Variants in PTPRA observed in about 807,000 individuals in gnomAD.
PTPRA encodes protein tyrosine phosphatase receptor type A.
PTPRA carries 25 observed loss-of-function variants against 104.8 expected under a neutral mutation model. That is an observed-to-expected ratio of 0.24 (90% CI 0.17 to 0.33). The LOEUF is 0.33. Ranked by LOEUF, PTPRA falls within the 10% of genes least tolerant of loss-of-function variation. The pLI is 1.00. For missense variants in PTPRA, 765 were observed against 1,015.3 expected (o/e 0.75, Z 3.35); for synonymous variants, 323 against 368.9 (o/e 0.88, Z 1.43).
chr20:2,865,602 T>C, the PTPRA span: 4 of 1,031,768 alleles, frequency 3.9e-6, no homozygotes, highest in Non-Finnish European at 5.6e-6. This position sits in a 1 kb window ranked among gnomAD's most constrained non-coding sequence, Gnocchi z 5.2. Context: ...CCTGTTCAGC[T>C]GCCCGCATAG....
Position 2,979,989 on chromosome 20 carries a change from C to T in PTPRA, c.442+4748C>T, listed in dbSNP as rs554944582. Among the ~76,000 whole-genome samples, 44 of 152,130 alleles carry T rather than the reference C, an allele frequency of 2.9e-4. 1 individual carries two copies. Among genetic ancestry groups the T allele is most frequent in the South Asian group, 1.0e-3 (5 of 4,814 alleles). On this transcript the variant is annotated intron_variant, in intron 6 of 23. Transcript: ENST00000399903. ...GTGCAATGGCACGATCTCGGTTCAC[C>T]GCAACCTCTGCCTTCCAGGTTCAAA...
Position 3,016,261 on chromosome 20 carries a change from C to T in PTPRA, c.943+376C>T, listed in dbSNP as rs537391801. 5.4e-4 allele frequency among the ~76,000 whole-genome samples: 83 copies of T among 152,298 alleles called. 1 individual carries two copies. The South Asian group carries it at 0.017, about 31-fold the overall frequency. ...GAGAGGATCAGCCACCTCACAGGGT[C>T]CAGGCTGGTTCTCCCCCAGCTCATG... On this transcript the variant is annotated intron_variant, in intron 12 of 23. Transcript: ENST00000399903.
chr20:2,934,039 A>G (rs1420147649), intron 2 of PTPRA, among the ~76,000 whole-genome samples: 3 of 152,194 alleles, frequency 2.0e-5, no homozygotes, highest in Non-Finnish European at 4.4e-5. Flanking sequence ...ATTTTGGAAT[A>G]TTGCATGAAA....
At chr20:3,001,695 A>G (rs2063634916) in intron 9 of PTPRA, among the ~76,000 whole-genome samples, 1 of 151,950 alleles carries the variant, frequency 6.6e-6, no homozygotes, top group African/African-American at 2.4e-5. Flanking sequence ...CAGCCCAGGA[A>G]AATCTTTTCT....
At chr20:3,011,696 G>T (rs1486466105) in intron 11 of PTPRA, among the ~76,000 whole-genome samples, 2 of 152,210 alleles carry the variant, frequency 1.3e-5, no homozygotes, top group Non-Finnish European at 2.9e-5. Flanking sequence ...TGTCAAGTGT[G>T]TCCATTGGAG....
At chr20:3,034,326 T>C (rs1293219266) in intron 20 of PTPRA, among the ~76,000 whole-genome samples, 10 of 152,126 alleles carry the variant, frequency 6.6e-5, no homozygotes, top group Non-Finnish European at 1.5e-5. Context: ...AGACTTGATA[T>C]GTATTTCTGT....
the PTPRA span, among the ~76,000 whole-genome samples, chr20:2,865,690 G>A: frequency 6.6e-6 from 1 of 152,342 alleles, no homozygotes; most frequent in East Asian, 1.9e-4. This position sits in a 1 kb window ranked among gnomAD's most constrained non-coding sequence, Gnocchi z 5.2. Flanking sequence ...ATGGGTCCAA[G>A]TTTGCCTGCA....
At chr20:2,953,318 A>AGG in intron 3 of PTPRA, among the ~76,000 whole-genome samples, 1 of 151,686 alleles carries the variant, frequency 6.6e-6, no homozygotes, top group Non-Finnish European at 1.5e-5. Context: ...GTAGTGGCGC[A>AGG]ATCTCGGCTC....
At position 2,945,816 on chromosome 20, in the gene PTPRA, C is replaced by A. The variant is rs2061106725; in HGVS notation, c.-49-2166C>A. Among the ~76,000 whole-genome samples, 3 of 151,766 alleles carry A rather than the reference C, an allele frequency of 2.0e-5. No individual in the cohort carries two copies. The South Asian group carries it at 6.2e-4, about 32-fold the overall frequency. On this transcript the variant is annotated intron_variant, in intron 2 of 23. Coordinates refer to ENST00000399903, the MANE Select transcript of PTPRA (RefSeq NM_001385305.1). ...TGGTGGCAGGTGCCTGTAATCCCAG[C>A]TACTCGAGAGGCTGCGGCATGACAG...
rs76473052 is a variant in PTPRA, at chr20:2,926,312, C to T, written c.-50+3027C>T. On this transcript the variant is annotated intron_variant, in intron 2 of 23. Transcript: ENST00000399903. Reference sequence around the variant, plus strand: ...AGAGTTTTGGAGGCTAGAAGTCTTGCGGGCTGTGCGGGAGAATCTGTTCTA... The same window carrying T: ...AGAGTTTTGGAGGCTAGAAGTCTTGTGGGCTGTGCGGGAGAATCTGTTCTA... 2.8e-4 allele frequency among the ~76,000 whole-genome samples: 43 copies of T among 152,282 alleles called. No homozygotes were observed. In the East Asian group the frequency reaches 6.8e-3, roughly 24 times the overall value.
Position 3,001,395 on chromosome 20 carries a change from G to C in PTPRA, c.739-3661G>C, listed in dbSNP as rs1335272233. On this transcript the variant is annotated intron_variant, in intron 9 of 23. Coordinates refer to ENST00000399903, the MANE Select transcript of PTPRA (RefSeq NM_001385305.1). ...TATCATGACTGAGGGAGCTAGGGAT[G>C]CTGATAGGGCTGTGAGATGTAGTCT... is the stretch of plus-strand genomic sequence containing the variant. Among the ~76,000 whole-genome samples, 8 of 152,218 alleles carry C rather than the reference G, an allele frequency of 5.3e-5. No individual in the cohort carries two copies. The East Asian group carries it at 1.5e-3, about 29-fold the overall frequency.
intron 13 of PTPRA, among the ~76,000 whole-genome samples, chr20:3,018,235 TG>T (rs1391861141): frequency 2.6e-5 from 4 of 152,210 alleles, no homozygotes; most frequent in East Asian, 3.8e-4. Context: ...TGTTTTGTTT[TG>T]TTTTTTTATT....
chr20:2,959,501 C>T (rs2061668171), intron 3 of PTPRA, among the ~76,000 whole-genome samples: 1 of 152,044 alleles, frequency 6.6e-6, no homozygotes, highest in African/African-American at 2.4e-5. Flanking sequence ...GTTATGTTTT[C>T]AGTATTGTTA....
In PTPRA at chr20:3,038,202, T is replaced by A; in HGVS notation, c.*69T>A. Reference sequence around the variant, plus strand: ...TTTGTAATATTCTGTTTTGTTAATATACCCCAAATTGTGTATATATCTTAT... The same window carrying A: ...TTTGTAATATTCTGTTTTGTTAATAAACCCCAAATTGTGTATATATCTTAT... On this transcript the variant is annotated 3_prime_UTR_variant, in exon 24 of 24. Coordinates refer to ENST00000399903, the MANE Select transcript of PTPRA (RefSeq NM_001385305.1). 1 of 1,422,702 alleles carries A rather than the reference T, an allele frequency of 7.0e-7. No individual in the cohort carries two copies. The highest frequency in any genetic ancestry group is 9.9e-7 in the Non-Finnish European group (1 of 1,009,366). The allele number at this position is 1,422,702 out of a possible 1,614,324, so 88.1% of individuals were successfully genotyped here. A position where few individuals can be genotyped will look rare whatever the true frequency, so the allele number is the denominator to read the frequency against.
Position 2,911,882 on chromosome 20 carries a change from A to G in PTPRA, c.-128-11325A>G, listed in dbSNP as rs1368347360. ...GTATACTAAAACGGAAGTCAGTGAA[A>G]AAAAAAGACTGCTCTCAAACTAAAG... On this transcript the variant is annotated intron_variant, in intron 1 of 23. Transcript: ENST00000399903. Among the ~76,000 whole-genome samples the G allele has an allele frequency of 2.0e-5, 3 of 152,284 alleles. No individual in the cohort carries two copies. In the South Asian group the frequency reaches 6.2e-4, roughly 32 times the overall value.
chr20:3,006,795 C>A (rs1398672055), intron 10 of PTPRA, among the ~76,000 whole-genome samples: 1 of 152,110 alleles, frequency 6.6e-6, no homozygotes, highest in African/African-American at 2.4e-5. Context: ...CCACACCCAG[C>A]TAATTTTGTA....
intron 17 of PTPRA, among the ~76,000 whole-genome samples, chr20:3,024,925 G>A (rs182787912): frequency 6.6e-6 from 1 of 152,266 alleles, no homozygotes; most frequent in Admixed American, 6.5e-5. Context: ...AATATTTTAG[G>A]CTTTGCAGCC....
chr20:2,943,640 A>G (rs779919446), intron 2 of PTPRA, among the ~76,000 whole-genome samples: 1 of 152,182 alleles, frequency 6.6e-6, no homozygotes, highest in Non-Finnish European at 1.5e-5. Context: ...CTCTTTATCA[A>G]CTTGGCACCC....
rs200510230 is a variant in PTPRA at position 2,910,180 on chromosome 20, TATATATG to T, written c.-128-13013_-128-13007del. 2.1e-3 allele frequency among the ~76,000 whole-genome samples: 232 copies of T among 107,936 alleles called. 4 individuals carry two copies. The highest frequency in any genetic ancestry group is 0.018 in the Admixed American group (163 of 8,980). The allele number at this position is 107,936 out of a possible 152,430, so 70.8% of individuals were successfully genotyped here. On this transcript the variant is annotated intron_variant, in intron 1 of 23. Transcript: ENST00000399903. ...ACGTCATATATAATATGACGTATAG[TATATATG>T]ATATATGATATATATACTATATTGT...
Sources: allele counts gnomAD v4.1 joint callset (sites outside exome capture counted in the v4.1 genomes callset), GRCh38; gene constraint gnomAD v4.1.1; non-coding constraint Gnocchi (gnomAD v3.1); transcripts MANE v1.5; gene names NCBI Gene and HGNC (gene_info 2026-07-23, HGNC 2026-07-21).